NPAS2: variants seen among roughly 807,000 people sequenced by gnomAD.
NPAS2 encodes neuronal PAS domain-containing protein 2.
NPAS2 carries 23 observed loss-of-function variants against 107.5 expected under a neutral mutation model. That is an observed-to-expected ratio of 0.21 (90% CI 0.15 to 0.30). The LOEUF (loss-of-function observed/expected upper bound fraction) is 0.30, where lower values mean the gene tolerates loss of function less well. Ranked by LOEUF, NPAS2 falls within the 10% of genes least tolerant of loss-of-function variation. The pLI is 1.00. For missense variants in NPAS2, 756 were observed against 1,043.3 expected (o/e 0.72, Z 3.79); for synonymous variants, 403 against 417.5 (o/e 0.97, Z 0.42).
intron 1 of NPAS2, among the ~76,000 whole-genome samples, chr2:100,831,455 C>T (rs566930716): frequency 6.6e-6 from 1 of 152,222 alleles, no homozygotes; most frequent in South Asian, 2.1e-4. Flanking sequence ...ACGAGGAAAA[C>T]TTTAAACCCC....
chr2:100,936,852 T>G (rs547636998), intron 4 of NPAS2, among the ~76,000 whole-genome samples: 4 of 151,938 alleles, frequency 2.6e-5, no homozygotes, highest in Admixed American at 6.6e-5. Flanking sequence ...CCTGGTGGCA[T>G]GTGCCTGTAA....
chr2:100,880,414 G>T (rs1680256752), intron 1 of NPAS2, among the ~76,000 whole-genome samples: 1 of 152,164 alleles, frequency 6.6e-6, no homozygotes, highest in South Asian at 2.1e-4. Context: ...AGAAAATGTG[G>T]TACCATATGT....
intron 1 of NPAS2, among the ~76,000 whole-genome samples, chr2:100,875,322 C>G (rs1011413095): frequency 6.6e-6 from 1 of 152,198 alleles, no homozygotes; most frequent in Non-Finnish European, 1.5e-5. Context: ...GGTGCAGTTT[C>G]TGTCTGATGG....
At chr2:100,928,239 T>C (rs768504608) in intron 3 of NPAS2, among the ~76,000 whole-genome samples, 3 of 152,036 alleles carry the variant, frequency 2.0e-5, no homozygotes, top group Non-Finnish European at 4.4e-5. Context: ...TCAAGCAGGA[T>C]TGGAACGAAG....
Position 100,991,017 on chromosome 2 carries a change from C to T in NPAS2, c.2111+145C>T, listed in dbSNP as rs560122282. 1.0e-4 allele frequency: 69 copies of T among 682,000 alleles called. 1 individual carries two copies. Among genetic ancestry groups the T allele is most frequent in the South Asian group, 7.1e-4 (41 of 57,938 alleles). The allele number at this position is 682,000 out of a possible 1,614,324, so 42.2% of individuals were successfully genotyped here. ...AGTGTGCCCACAGCTGTGAAGGGGA[C>T]GCTGCCCCTCAGCTTTTCTTCTACC... On this transcript the variant is annotated intron_variant, in intron 19 of 20. Coordinates refer to ENST00000335681, the MANE Select transcript of NPAS2 (RefSeq NM_002518.4).
chr2:100,961,109 C>T (rs1219124285), intron 7 of NPAS2, among the ~76,000 whole-genome samples: 2 of 152,132 alleles, frequency 1.3e-5, no homozygotes, highest in Non-Finnish European at 2.9e-5. Flanking sequence ...CTCAGGAAGC[C>T]AGTTGTAATT....
chr2:100,881,929 C>T (rs1254234497), intron 1 of NPAS2, among the ~76,000 whole-genome samples: 1 of 152,184 alleles, frequency 6.6e-6, no homozygotes, highest in African/African-American at 2.4e-5. Flanking sequence ...CACCACCTCC[C>T]TCATGTGCTC....
chr2:100,948,700 T>G (rs1484272995), intron 6 of NPAS2, among the ~76,000 whole-genome samples: 1 of 152,234 alleles, frequency 6.6e-6, no homozygotes, highest in African/African-American at 2.4e-5. Context: ...TGGAGGATAC[T>G]AAGATACTAA....
At chr2:100,936,772 G>A (rs1288153243) in intron 4 of NPAS2, among the ~76,000 whole-genome samples, 2 of 134,576 alleles carry the variant, frequency 1.5e-5, no homozygotes, top group Admixed American at 8.0e-5. Flanking sequence ...CTTGAGGACA[G>A]GAGTTCAAGA....
At chr2:100,899,389 A>G (rs1681631255) in intron 1 of NPAS2, among the ~76,000 whole-genome samples, 1 of 151,804 alleles carries the variant, frequency 6.6e-6, no homozygotes, top group African/African-American at 2.4e-5. Context: ...ACATGGGCTA[A>G]TTTTTGTATT....
chr2:100,902,163 CT>C (rs1681827646), intron 1 of NPAS2, among the ~76,000 whole-genome samples: 1 of 152,124 alleles, frequency 6.6e-6, no homozygotes, highest in Non-Finnish European at 1.5e-5. Context: ...TCTGTGATTC[CT>C]TTAACCTGAC....
chr2:100,943,335 T>C (rs1220544502), intron 5 of NPAS2, among the ~76,000 whole-genome samples: 1 of 152,260 alleles, frequency 6.6e-6, no homozygotes, highest in Non-Finnish European at 1.5e-5. Context: ...CATTTAGATT[T>C]CATCTTTTCC....
At chr2:100,857,547 G>T (rs548569095) in intron 1 of NPAS2, among the ~76,000 whole-genome samples, 3 of 152,296 alleles carry the variant, frequency 2.0e-5, no homozygotes, top group African/African-American at 7.2e-5. Context: ...GCCAGAGCAG[G>T]CCACTGCAGT....
chr2:100,971,112 G>C (rs377598636), intron 12 of NPAS2, 38 bp downstream of exon 12: 41 of 1,594,194 alleles, frequency 2.6e-5, no homozygotes, highest in Non-Finnish European at 8.6e-6. Context: ...GGCAAAGGTT[G>C]GCTAGGAAGA....
intron 10 of NPAS2, among the ~76,000 whole-genome samples, chr2:100,966,752 C>T (rs1676241333): frequency 1.3e-5 from 2 of 151,946 alleles, no homozygotes; most frequent in African/African-American, 4.8e-5. Context: ...TGTGCCACCA[C>T]GCCCAGCTAA....
At chr2:100,867,256 C>A (rs1038986542) in intron 1 of NPAS2, among the ~76,000 whole-genome samples, 1 of 152,164 alleles carries the variant, frequency 6.6e-6, no homozygotes, top group Non-Finnish European at 1.5e-5. Context: ...CCTGATATAT[C>A]ACTTATGAGA....
At chr2:100,993,736 C>T (rs1364811943) in intron 20 of NPAS2, 2 of 431,398 alleles carry the variant, frequency 4.6e-6, no homozygotes, top group East Asian at 3.5e-5. Context: ...AATTACGAGT[C>T]GGCTATTATG....
intron 15 of NPAS2, among the ~76,000 whole-genome samples, chr2:100,979,890 TCCCACTTCATGTGAAATA>T (rs771914809): frequency 1.2e-4 from 18 of 152,282 alleles, no homozygotes; most frequent in African/African-American, 2.9e-4. Flanking sequence ...ACACAGTTCT[TCCCACTTCATGTGAAATA>T]CCCACTTCAT....
At chr2:100,879,412 C>T (rs1447928111) in intron 1 of NPAS2, among the ~76,000 whole-genome samples, 1 of 152,102 alleles carries the variant, frequency 6.6e-6, no homozygotes, top group Non-Finnish European at 1.5e-5. Flanking sequence ...TTATTAACTA[C>T]AATCCTCATG....
Sources: gnomAD v4.1 joint callset for allele counts (sites outside exome capture counted in the v4.1 genomes callset) on GRCh38, gnomAD v4.1.1 for gene constraint, MANE v1.5 for transcripts, NCBI Gene and HGNC (gene_info 2026-07-23, HGNC 2026-07-21) for gene names.